EFTUD2: variants seen among roughly 807,000 people sequenced by gnomAD.
The protein encoded by EFTUD2 is 116 kDa U5 small nuclear ribonucleoprotein component.
Under a neutral mutation model 114.3 loss-of-function variants are expected in EFTUD2, and 9 were observed. The ratio of observed to expected loss-of-function variants is 0.08; its 90% CI spans 0.05 to 0.14. The LOEUF (loss-of-function observed/expected upper bound fraction) is 0.14, where lower values mean the gene tolerates loss of function less well. Among genes scored for constraint, EFTUD2 ranks in the 10% least tolerant of loss-of-function variants. EFTUD2 has a pLI of 1.00. For synonymous variants in EFTUD2, 449 were observed against 462.3 expected (o/e 0.97, Z 0.37); for missense variants, 765 against 1,241.2 (o/e 0.62, Z 5.76).
rs147508994 is a variant in EFTUD2, at chr17:44,861,602, G to T, written c.1608-1059C>A. ...AAAAAAATTAGCTGGGCATGGTGGC[G>T]GGCGCCTGTAGTCCCAGCTACTTGG... On this transcript the variant is annotated intron_variant, in intron 16 of 27. Transcript: ENST00000426333. 4.7e-3 allele frequency among the ~76,000 whole-genome samples: 709 copies of T among 151,930 alleles called. 7 individuals are homozygous for T. Among genetic ancestry groups the T allele is most frequent in the African/African-American group, 0.017 (695 of 41,442 alleles).
intron 9 of EFTUD2, among the ~76,000 whole-genome samples, chr17:44,876,884 A>C (rs2050968061): frequency 1.2e-4 from 17 of 142,838 alleles, no homozygotes; most frequent in African/African-American, 1.6e-4. Flanking sequence ...AAAAAAAACT[A>C]CTCCCCACTA....
At chr17:44,857,006 A>G (rs894661242) in intron 20 of EFTUD2, 69 bp downstream of exon 20, 11 of 1,294,930 alleles carry the variant, frequency 8.5e-6, no homozygotes, top group Non-Finnish European at 7.8e-6. Flanking sequence ...GTGGGGGTAG[A>G]GGTGGAAGAT....
At chr17:44,883,778 G>A (rs2051115938) in intron 4 of EFTUD2, 54 bp from the exon 5 acceptor site, 1 of 1,570,580 alleles carries the variant, frequency 6.4e-7, no homozygotes, top group South Asian at 1.1e-5. Flanking sequence ...TTCCAAATGA[G>A]GAGTGGTGTA....
Position 44,882,370 on chromosome 17 carries a change from G to C in EFTUD2, c.493-648C>G, listed in dbSNP as rs570235146. On this transcript the variant is annotated intron_variant, in intron 6 of 27. Coordinates refer to ENST00000426333, the MANE Select transcript of EFTUD2 (RefSeq NM_004247.4). ...AGGTTCAAGCGATTCTCCTGCCTCA[G>C]CCCCTTGAGTAGCTGGGACTACAGG... 7.2e-5 allele frequency among the ~76,000 whole-genome samples: 11 copies of C among 152,248 alleles called. No homozygotes were observed. The East Asian group carries it at 2.1e-3, about 29-fold the overall frequency.
At position 44,857,113 on chromosome 17, in the gene EFTUD2, T is replaced by C. The variant is rs770193739; in HGVS notation, c.2007A>G (p.Thr669=). The change falls in exon 20 of 28, where the codon ACA becomes ACG. Residue 669 remains threonine, a synonymous_variant. Coordinates refer to ENST00000426333, the MANE Select transcript of EFTUD2 (RefSeq NM_004247.4). ...TTTCAGCAAAGCACTTGAGGGAGGATGTTTCCACCACCGTCTCACAAAACG... is the reference window on the plus strand; with the variant it reads ...TTTCAGCAAAGCACTTGAGGGAGGACGTTTCCACCACCGTCTCACAAAACG... ...VVTFCETVVE[T]SSLKCFAETP... The C allele has an allele frequency of 1.4e-5, 23 of 1,613,924 alleles. No homozygotes were observed. The highest frequency in any genetic ancestry group is 1.8e-5 in the Non-Finnish European group (21 of 1,179,920).
intron 9 of EFTUD2, among the ~76,000 whole-genome samples, chr17:44,879,224 T>TACA (rs2051026092): frequency 6.6e-6 from 1 of 152,066 alleles, no homozygotes; most frequent in Non-Finnish European, 1.5e-5. Flanking sequence ...TAGCTGGGAT[T>TACA]ACAGGCATGG....
rs547760592 is a variant in EFTUD2, at chr17:44,893,548, A to G, written c.105+869T>C. Reference sequence around the variant, plus strand: ...ATTCATGACTGTTAAAAGACACTTCAGGGAAATGGAAGAACTAATGATCAA... The same window carrying G: ...ATTCATGACTGTTAAAAGACACTTCGGGGAAATGGAAGAACTAATGATCAA... On this transcript the variant is annotated intron_variant, in intron 2 of 27. Coordinates refer to ENST00000426333, the MANE Select transcript of EFTUD2 (RefSeq NM_004247.4). Among the ~76,000 whole-genome samples the G allele has an allele frequency of 2.0e-5, 3 of 152,318 alleles. No homozygotes were observed. The South Asian group carries it at 6.2e-4, about 32-fold the overall frequency.
Position 44,854,533 on chromosome 17 carries a change from AG to A in EFTUD2, c.2259+22del. On this transcript the variant is annotated intron_variant, in intron 22 of 27. Transcript: ENST00000426333. The surrounding 1 kb of genome is among the most constrained non-coding windows in gnomAD (Gnocchi z 4.3). ...CTCCAGAGGTAAGAGACCGCCACCC[AG>A]TTCCCATCAGTTCTGCTGTACCTCA... is the stretch of plus-strand genomic sequence containing the variant. 1 of 1,608,786 alleles carries A rather than the reference AG, an allele frequency of 6.2e-7. No homozygotes were observed. Among genetic ancestry groups the A allele is most frequent in the Non-Finnish European group, 8.5e-7 (1 of 1,176,862 alleles).
In EFTUD2 at chr17:44,859,429, T is replaced by A; in HGVS notation, c.1861-248A>T. The A allele has an allele frequency of 3.5e-5, 20 of 565,762 alleles. No homozygotes were observed. The South Asian group carries it at 4.1e-4, about 11-fold the overall frequency. The allele number at this position is 565,762 out of a possible 1,614,324, so 35.0% of individuals were successfully genotyped here. On this transcript the variant is annotated intron_variant, in intron 18 of 27. Transcript: ENST00000426333. ...ATGATTTAATTCCCATCTTAATGAT[T>A]TAGGTCAAACTCTACCCTATACCCA... is the stretch of plus-strand genomic sequence containing the variant.
At chr17:44,890,258 C>G (rs1236993852) in intron 2 of EFTUD2, among the ~76,000 whole-genome samples, 70 of 151,764 alleles carry the variant, frequency 4.6e-4, no homozygotes, top group Admixed American at 4.3e-3. Flanking sequence ...GACCTCAGGT[C>G]ATCTGCCCAC....
At chr17:44,889,671 C>G (rs2051242883) in intron 2 of EFTUD2, among the ~76,000 whole-genome samples, 1 of 152,192 alleles carries the variant, frequency 6.6e-6, no homozygotes. Flanking sequence ...CACACAAATT[C>G]CAGCATGCCA....
intron 11 of EFTUD2, 184 bp from the exon 12 acceptor site, chr17:44,868,534 C>T: frequency 1.8e-6 from 1 of 570,810 alleles, no homozygotes; most frequent in South Asian, 2.4e-5. Context: ...AAGACTGGTC[C>T]AAAGTTGACA....
At chr17:44,851,632 C>A in intron 27 of EFTUD2, 78 bp downstream of exon 27, 1 of 1,391,290 alleles carries the variant, frequency 7.2e-7, no homozygotes, top group Non-Finnish European at 9.6e-7. Flanking sequence ...GAAAAGGGGC[C>A]AAAAGAAAGA....
At chr17:44,868,806 T>C (rs1402301079) in intron 11 of EFTUD2, among the ~76,000 whole-genome samples, 1 of 152,180 alleles carries the variant, frequency 6.6e-6, no homozygotes, top group Non-Finnish European at 1.5e-5. Context: ...ACCATAAGGT[T>C]CTGGCTAGCC....
intron 10 of EFTUD2, among the ~76,000 whole-genome samples, chr17:44,873,754 T>C (rs560301505): frequency 4.8e-5 from 7 of 146,428 alleles, no homozygotes; most frequent in Admixed American, 4.8e-4. Flanking sequence ...TTTTTTGAGA[T>C]GGAGTCTTGC....
At chr17:44,866,128 C>T (rs1213168512) in intron 13 of EFTUD2, among the ~76,000 whole-genome samples, 2 of 152,252 alleles carry the variant, frequency 1.3e-5, no homozygotes, top group African/African-American at 2.4e-5. Flanking sequence ...TTCTTTGCTT[C>T]TCAGCATTCC....
Position 44,893,956 on chromosome 17 carries a change from C to G in EFTUD2, c.105+461G>C, listed in dbSNP as rs548050270. 2.6e-5 allele frequency among the ~76,000 whole-genome samples: 4 copies of G among 152,024 alleles called. No homozygotes were observed. The East Asian group carries it at 7.8e-4, about 29-fold the overall frequency. On this transcript the variant is annotated intron_variant, in intron 2 of 27. Transcript: ENST00000426333. ...TGGTGGCACACACCTGTAATCCCAG[C>G]TACTCAGGAGGCTGAGGCATTGAGA...
chr17:44,872,354 G>A, intron 11 of EFTUD2, 92 bp downstream of exon 11: 1 of 1,538,056 alleles, frequency 6.5e-7, no homozygotes, highest in African/African-American at 1.4e-5. Context: ...CCAGCAGGGT[G>A]CTGATACGAA....
Position 44,853,402 on chromosome 17 carries a change from C to A in EFTUD2, c.2467-12G>T, listed in dbSNP as rs754343069. 6.2e-7 allele frequency: 1 copy of A among 1,614,114 alleles called. No individual in the cohort carries two copies. The highest frequency in any genetic ancestry group is 8.5e-7 in the Non-Finnish European group (1 of 1,179,994). ...AGACGAGGAGTAGCCTGCAGCAGAG[C>A]AAGAAGAAAGGCCCCTCAGCTTGGG... On this transcript the variant is annotated splice_polypyrimidine_tract_variant and intron_variant, in intron 24 of 27. Coordinates refer to ENST00000426333, the MANE Select transcript of EFTUD2 (RefSeq NM_004247.4).
Sources: allele counts gnomAD v4.1 joint callset (sites outside exome capture counted in the v4.1 genomes callset), GRCh38; gene constraint gnomAD v4.1.1; non-coding constraint Gnocchi (gnomAD v3.1); transcripts MANE v1.5; gene names NCBI Gene and HGNC (gene_info 2026-07-23, HGNC 2026-07-21).